The following ZNF644 variants were observed in gnomAD, a reference collection of about 807,000 sequenced individuals.
ZNF644 encodes zinc finger motif enhancer binding protein 2.
In ZNF644, 20 loss-of-function variants were observed where a neutral mutation model predicts 108.0. The observed-to-expected ratio is 0.19, with a 90% CI of 0.13 to 0.27. The LOEUF is 0.27. ZNF644 is among the 10% of genes least tolerant of loss of function. The probability of loss-of-function intolerance (pLI) is 1.00; values close to 1 mark genes in which losing one functional copy is unlikely to be tolerated. For missense variants in ZNF644, 1,338 were observed against 1,548.9 expected, an observed-to-expected ratio of 0.86 and a Z score of 2.29; for synonymous variants, 542 against 539.1, an observed-to-expected ratio of 1.01 and a Z score of -0.08.
At chr1:91,016,410 G>A (rs752796337) in intron 1 of ZNF644, among the ~76,000 whole-genome samples, 9 of 152,124 alleles carry the variant, frequency 5.9e-5, no homozygotes, top group Non-Finnish European at 1.3e-4. Flanking sequence ...TAGGCTACTT[G>A]GTATAGCCTA....
intron 1 of ZNF644, among the ~76,000 whole-genome samples, chr1:90,983,189 T>C (rs1282156994): frequency 6.6e-6 from 1 of 152,122 alleles, no homozygotes. Context: ...TAGGTTACTT[T>C]AACTGTTTTA....
chr1:90,990,832 G>A (rs908738662), intron 1 of ZNF644, among the ~76,000 whole-genome samples: 6 of 152,108 alleles, frequency 3.9e-5, no homozygotes, highest in Admixed American at 2.0e-4. Flanking sequence ...CAGACAAAAA[G>A]GAGTCTTGCC....
chr1:90,974,544 C>G (rs1021502546), intron 2 of ZNF644, among the ~76,000 whole-genome samples: 2 of 152,192 alleles, frequency 1.3e-5, no homozygotes, highest in African/African-American at 4.8e-5. Flanking sequence ...TACTGCCCAG[C>G]TAGAAACATG....
intron 1 of ZNF644, among the ~76,000 whole-genome samples, chr1:91,011,701 A>T (rs1470992577): frequency 6.6e-6 from 1 of 152,202 alleles, no homozygotes; most frequent in African/African-American, 2.4e-5. Flanking sequence ...ACTGTCCATA[A>T]GGTAACATTC....
chr1:90,984,914 T>C (rs756119030), intron 1 of ZNF644, among the ~76,000 whole-genome samples: 2 of 152,212 alleles, frequency 1.3e-5, no homozygotes, highest in Non-Finnish European at 2.9e-5. Context: ...AAACTATATA[T>C]GGTTGCACAA....
At chr1:90,977,739 A>G (rs965115458) in intron 2 of ZNF644, among the ~76,000 whole-genome samples, 8 of 152,212 alleles carry the variant, frequency 5.3e-5, no homozygotes, top group African/African-American at 1.9e-4. Flanking sequence ...AATTATCCTG[A>G]CACTCTCACA....
At chr1:90,976,091 C>T (rs1476944341) in intron 2 of ZNF644, among the ~76,000 whole-genome samples, 1 of 152,138 alleles carries the variant, frequency 6.6e-6, no homozygotes, top group Non-Finnish European at 1.5e-5. Flanking sequence ...ATATGGACAT[C>T]CAGTTAAATG....
intron 2 of ZNF644, among the ~76,000 whole-genome samples, chr1:90,967,711 T>C (rs900843545): frequency 1.3e-5 from 2 of 151,940 alleles, no homozygotes; most frequent in Non-Finnish European, 2.9e-5. Flanking sequence ...CATTGCATAT[T>C]TCTGGGTAGC....
At chr1:90,984,580 A>G (rs1656897880) in intron 1 of ZNF644, among the ~76,000 whole-genome samples, 1 of 152,072 alleles carries the variant, frequency 6.6e-6, no homozygotes, top group Admixed American at 6.5e-5. Flanking sequence ...TTTAGTAGAG[A>G]CAGGGTTTCA....
intron 1 of ZNF644, among the ~76,000 whole-genome samples, chr1:91,017,467 T>C (rs760229085): frequency 6.6e-6 from 1 of 152,218 alleles, no homozygotes; most frequent in Non-Finnish European, 1.5e-5. Flanking sequence ...TGTGCACTGC[T>C]GCTACTTCTG....
In ZNF644 at chr1:90,948,454, C is replaced by T. The variant is rs150274297; in HGVS notation, c.45-7145G>A. 7.2e-5 allele frequency among the ~76,000 whole-genome samples: 11 copies of T among 152,272 alleles called. No individual in the cohort carries two copies. In the South Asian group the frequency reaches 8.3e-4, roughly 11 times the overall value. On this transcript the variant is annotated intron_variant, in intron 2 of 5. Transcript: ENST00000337393. ...CTGGTGCCTTAACAGATTGTTAATG[C>T]GGATGAAACTACTGTCATCCCTCAG...
At chr1:90,986,486 C>T (rs1657110664) in intron 1 of ZNF644, among the ~76,000 whole-genome samples, 1 of 151,862 alleles carries the variant, frequency 6.6e-6, no homozygotes, top group Non-Finnish European at 1.5e-5. Flanking sequence ...AATAATGTGT[C>T]AATATTGGTT....
chr1:90,937,227 T>C (rs1318282689), intron 4 of ZNF644, among the ~76,000 whole-genome samples: 1 of 152,126 alleles, frequency 6.6e-6, no homozygotes, highest in Non-Finnish European at 1.5e-5. Context: ...ATTGTGTGTG[T>C]GTGTGGTTTT....
At chr1:90,977,223 A>G (rs1257562784) in intron 2 of ZNF644, among the ~76,000 whole-genome samples, 13 of 152,126 alleles carry the variant, frequency 8.5e-5, no homozygotes, top group African/African-American at 3.1e-4. Flanking sequence ...TGAACCTAAT[A>G]TTTAGTAATG....
chr1:90,942,830 T>C (rs543579517), intron 2 of ZNF644, among the ~76,000 whole-genome samples: 1 of 152,308 alleles, frequency 6.6e-6, no homozygotes, highest in South Asian at 2.1e-4. Context: ...AGCTTCCATA[T>C]TTCTTCTCCT....
chr1:90,999,325 C>A (rs185171505), intron 1 of ZNF644, among the ~76,000 whole-genome samples: 20 of 152,324 alleles, frequency 1.3e-4, no homozygotes, highest in African/African-American at 4.6e-4. Context: ...GAAAGCCCAA[C>A]AGACTAACAG....
intron 2 of ZNF644, among the ~76,000 whole-genome samples, chr1:90,972,280 ACAACT>A (rs1483924714): frequency 1.3e-5 from 2 of 152,220 alleles, no homozygotes; most frequent in Admixed American, 6.5e-5. Context: ...ATACAGAACT[ACAACT>A]CAACAGAAAA....
At chr1:90,968,555 G>A (rs972730735) in intron 2 of ZNF644, among the ~76,000 whole-genome samples, 2 of 152,058 alleles carry the variant, frequency 1.3e-5, no homozygotes, top group African/African-American at 4.8e-5. Context: ...CACATTTATT[G>A]TTGTATCATT....
intron 1 of ZNF644, among the ~76,000 whole-genome samples, chr1:91,008,331 C>T (rs935399842): frequency 3.3e-5 from 5 of 152,102 alleles, no homozygotes; most frequent in Admixed American, 6.6e-5. Context: ...TCCCTGCAGC[C>T]ACCAATTCCT....
Sources: allele counts gnomAD v4.1 joint callset (sites outside exome capture counted in the v4.1 genomes callset), GRCh38; gene constraint gnomAD v4.1.1; transcripts MANE v1.5; gene names NCBI Gene and HGNC (gene_info 2026-07-23, HGNC 2026-07-21).